NSD2: variants seen among roughly 807,000 people sequenced by gnomAD.
NSD2 encodes the protein histone-lysine N-methyltransferase NSD2.
In NSD2, 12 loss-of-function variants were observed where a neutral mutation model predicts 139.0. That is an observed-to-expected ratio of 0.09 (90% CI 0.06 to 0.14). NSD2 has a LOEUF of 0.14. NSD2 is among the 10% of genes least tolerant of loss of function. NSD2 has a pLI of 1.00. For synonymous variants in NSD2, 669 were observed against 648.7 expected, an observed-to-expected ratio of 1.03 and a Z score of -0.48; for missense variants, 1,155 against 1,745.0, an observed-to-expected ratio of 0.66 and a Z score of 6.02.
chr4:1,933,819 T>C (rs1394172857), intron 6 of NSD2, among the ~76,000 whole-genome samples: 1 of 152,218 alleles, frequency 6.6e-6, no homozygotes, highest in Non-Finnish European at 1.5e-5. Context: ...TAATCATCTC[T>C]GTAGAATTTG....
At position 1,901,125 on chromosome 4, in the gene NSD2, T is replaced by G; in HGVS notation, c.471T>G (p.Asn157Lys). ...SAADVSQSEE[N>K]GQKPENKARR... ...CTGATGTGTCTCAGTCAGAAGAAAA[T>G]GGACAAAAACCAGAAAACAAGGCGA... Residue 157 changes from asparagine (N) to lysine (K), a missense_variant, in exon 2 of 22, where the codon AAT becomes AAG. By Grantham distance (94) the Asn-to-Lys change is moderately conservative (BLOSUM62 0). Around this residue, in one of 8 missense-constraint regions of NSD2, gnomAD observed 246 missense variants for 262.8 expected, o/e 0.94. Transcript: ENST00000508803. 1 of 1,614,032 alleles carries G rather than the reference T, an allele frequency of 6.2e-7. No individual in the cohort carries two copies. The highest frequency in any genetic ancestry group is 1.3e-5 in the African/African-American group (1 of 74,968).
chr4:1,958,158 G>A lies in NSD2; in HGVS notation c.2985+122G>A. 2 of 968,670 alleles carry A rather than the reference G, an allele frequency of 2.1e-6. No homozygotes were observed. The highest frequency in any genetic ancestry group is 1.6e-6 in the Non-Finnish European group (1 of 641,882). The allele number at this position is 968,670 out of a possible 1,614,324, so 60.0% of individuals were successfully genotyped here. A position where few individuals can be genotyped will look rare whatever the true frequency, so the allele number is the denominator to read the frequency against. ...ACTGTCACCAGCCAGGATCTGTGGT[G>A]CCTGGCATGGATGGCCACACAAGAG... On this transcript the variant is annotated intron_variant, in intron 16 of 21. Transcript: ENST00000508803. The surrounding 1 kb of genome is among the most constrained non-coding windows in gnomAD (Gnocchi z 4.6).
intron 6 of NSD2, among the ~76,000 whole-genome samples, chr4:1,934,247 G>A (rs1722034366): frequency 6.6e-6 from 1 of 151,732 alleles, no homozygotes; most frequent in South Asian, 2.1e-4. Flanking sequence ...CACCATGCCT[G>A]GCTAATTTTG....
In NSD2 at chr4:1,982,108, G is replaced by T. The variant is rs14647; in HGVS notation, c.*3199G>T. On this transcript the variant is annotated 3_prime_UTR_variant, in exon 22 of 22. Coordinates refer to ENST00000508803, the MANE Select transcript of NSD2 (RefSeq NM_001042424.3). ...TGAAATAGAGAGTTGAGACTTGCCAGTTGGGGGAAAATAGCATTTAAAATG... is the reference window on the plus strand; with the variant it reads ...TGAAATAGAGAGTTGAGACTTGCCATTTGGGGGAAAATAGCATTTAAAATG... 2.4e-3 allele frequency: 947 copies of T among 396,772 alleles called. 4 individuals are homozygous for T. Among genetic ancestry groups the T allele is most frequent in the Non-Finnish European group, 3.4e-3 (771 of 225,414 alleles). The allele number at this position is 396,772 out of a possible 1,614,324, so 24.6% of individuals were successfully genotyped here. A position where few individuals can be genotyped will look rare whatever the true frequency, so the allele number is the denominator to read the frequency against.
intron 3 of NSD2, among the ~76,000 whole-genome samples, chr4:1,907,443 T>C (rs1378510535): frequency 6.6e-6 from 1 of 151,606 alleles, no homozygotes; most frequent in Non-Finnish European, 1.5e-5. Flanking sequence ...CAAAACATAA[T>C]GCCAAATGGG....
In NSD2 at chr4:1,948,177, A is replaced by C; in HGVS notation, c.1882-2895A>C. On this transcript the variant is annotated intron_variant, in intron 9 of 21. Coordinates refer to ENST00000508803, the MANE Select transcript of NSD2 (RefSeq NM_001042424.3). The surrounding 1 kb of genome is among the most constrained non-coding windows in gnomAD (Gnocchi z 4.5). ...AGAAAACTTTGAAAAGTCAGGAGCTAAGCTGCTCGGAGCTCAGTGCCGCAG... is the reference window on the plus strand; with the variant it reads ...AGAAAACTTTGAAAAGTCAGGAGCTCAGCTGCTCGGAGCTCAGTGCCGCAG... 9.4e-7 allele frequency: 1 copy of C among 1,063,558 alleles called. No homozygotes were observed. Among genetic ancestry groups the C allele is most frequent in the East Asian group, 5.0e-5 (1 of 19,814 alleles). 65.9% of individuals were successfully genotyped at this position (1,063,558 alleles called of 1,614,324 possible).
At chr4:1,943,382 G>A (rs902278000) in intron 9 of NSD2, 7 of 1,041,802 alleles carry the variant, frequency 6.7e-6, no homozygotes, top group Admixed American at 5.6e-5. Flanking sequence ...CCAGGACTCC[G>A]TGGTTTCCTG....
chr4:1,951,242 TCTGA>T, intron 10 of NSD2, 39 bp downstream of exon 10: 1 of 1,612,492 alleles, frequency 6.2e-7, no homozygotes, highest in Non-Finnish European at 8.5e-7. Flanking sequence ...CGTGCTGGTG[TCTGA>T]CTGGGGCCCC....
rs1399040868 is a variant in NSD2 at position 1,979,954 on chromosome 4, G to C, written c.*1045G>C. ...CAGGCCCCGGGGACCCCAGCACGTG[G>C]GTCTAAAGAGAGACGGAGTCTAGCT... On this transcript the variant is annotated 3_prime_UTR_variant, in exon 22 of 22. Coordinates refer to ENST00000508803, the MANE Select transcript of NSD2 (RefSeq NM_001042424.3). The C allele has an allele frequency of 4.3e-6, 1 of 232,386 alleles. No individual in the cohort carries two copies. The highest frequency in any genetic ancestry group is 8.5e-6 in the Non-Finnish European group (1 of 117,564). 14.4% of individuals were successfully genotyped at this position (232,386 alleles called of 1,614,324 possible).
intron 1 of NSD2, among the ~76,000 whole-genome samples, chr4:1,884,222 A>G (rs570243966): frequency 1.3e-5 from 2 of 151,592 alleles, no homozygotes; most frequent in Admixed American, 6.6e-5. Flanking sequence ...CAGCCTCCCA[A>G]GTAGCTGGGA....
In NSD2 at chr4:1,976,600, G is replaced by A; in HGVS notation, c.3747G>A (p.Gly1249=). The A allele has an allele frequency of 1.2e-6, 2 of 1,611,042 alleles. No individual in the cohort carries two copies. The highest frequency in any genetic ancestry group is 1.3e-5 in the African/African-American group (1 of 75,054). ...AGTGCTTCCGCTGCGGTGATGGCGG[G>A]CAGCTGGTGCTGTGTGACCGCAAGT... ...EDECFRCGDG[G]QLVLCDRKFC... Residue 1249 remains glycine (G), a synonymous_variant, in exon 21 of 22, where the codon GGG becomes GGA. Transcript: ENST00000508803. The surrounding 1 kb of genome is among the most constrained non-coding windows in gnomAD (Gnocchi z 5.3).
rs1046768118 is a variant in NSD2, at chr4:1,955,444, C to T, written c.2518+104C>T. ...TCTGCGCTGTGTTCATTGATGTTGA[C>T]AGTGTTCTGTGCGTCTTCACGTTAA... On this transcript the variant is annotated intron_variant, in intron 13 of 21. Transcript: ENST00000508803. The surrounding 1 kb of genome is among the most constrained non-coding windows in gnomAD (Gnocchi z 4.7). The T allele has an allele frequency of 1.4e-5, 20 of 1,416,532 alleles. No individual in the cohort carries two copies. The highest frequency in any genetic ancestry group is 1.7e-5 in the Non-Finnish European group (18 of 1,066,218). The allele number at this position is 1,416,532 out of a possible 1,614,324, so 87.7% of individuals were successfully genotyped here. A position where few individuals can be genotyped will look rare whatever the true frequency, so the allele number is the denominator to read the frequency against.
At chr4:1,918,718 ACT>A (rs1389364062) in intron 5 of NSD2, 95 bp downstream of exon 5, 1 of 1,490,144 alleles carries the variant, frequency 6.7e-7, no homozygotes, top group African/African-American at 1.4e-5. Context: ...TTATCAGGAG[ACT>A]CTAACATGAG....
At chr4:1,890,918 A>T (rs1410122005) in intron 1 of NSD2, among the ~76,000 whole-genome samples, 2 of 150,874 alleles carry the variant, frequency 1.3e-5, no homozygotes, top group Non-Finnish European at 3.0e-5. Context: ...TTGTGAGACA[A>T]GGTCTCACTC....
At chr4:1,872,974 T>C in intron 1 of NSD2, among the ~76,000 whole-genome samples, 1 of 152,238 alleles carries the variant, frequency 6.6e-6, no homozygotes. Context: ...ACAAGTTCTG[T>C]GAGCACAGCC....
chr4:1,879,401 A>G (rs926296588), intron 1 of NSD2, among the ~76,000 whole-genome samples: 1 of 151,952 alleles, frequency 6.6e-6, no homozygotes, highest in African/African-American at 2.4e-5. Flanking sequence ...TTGTATTTTT[A>G]GTAGAGACGG....
intron 1 of NSD2, among the ~76,000 whole-genome samples, chr4:1,886,505 C>T (rs962579608): frequency 6.6e-6 from 1 of 152,130 alleles, no homozygotes; most frequent in Admixed American, 6.6e-5. Context: ...CTGTGCCTGG[C>T]CTTTCAGCTG....
At chr4:1,938,401 C>CTTTTTTTTTTGTTTGTTTTTTTTTTTT in intron 7 of NSD2, 50 bp from the exon 8 acceptor site, 1 of 872,424 alleles carries the variant, frequency 1.1e-6, no homozygotes, top group East Asian at 5.3e-5. Context: ...TTTTTCTTTT[C>CTTTTTTTTTTGTTTGTTTTTTTTTTTT]TTTTTTTTTT....
rs1727452113 is a variant in NSD2, at chr4:1,978,942, G to A, written c.*33G>A. The stretch of plus-strand genomic sequence containing the variant: ...CGGCCGCTTGGCCGGATCCAGGGGC[G>A]GTGCAGGGCGGCCGGCCCTGCCTGC... On this transcript the variant is annotated 3_prime_UTR_variant, in exon 22 of 22. Transcript: ENST00000508803. 11 of 1,457,252 alleles carry A rather than the reference G, an allele frequency of 7.5e-6. No homozygotes were observed. The South Asian group carries it at 8.7e-5, about 12-fold the overall frequency. The allele number at this position is 1,457,252 out of a possible 1,614,324, so 90.3% of individuals were successfully genotyped here.
Sources: gnomAD v4.1 joint callset for allele counts (sites outside exome capture counted in the v4.1 genomes callset) on GRCh38, gnomAD v4.1.1 for gene constraint, gnomAD v4.1.1 regional missense constraint, Gnocchi (gnomAD v3.1) non-coding constraint, MANE v1.5 for transcripts, NCBI Gene and HGNC (gene_info 2026-07-23, HGNC 2026-07-21) for gene names.